The following RYR2 variants were observed in gnomAD, a reference collection of about 807,000 sequenced individuals.
The protein encoded by RYR2 is cardiac muscle ryanodine receptor-calcium release channel.
RYR2 carries 227 observed loss-of-function variants against 601.1 expected under a neutral mutation model. That is an observed-to-expected ratio of 0.38 (90% CI 0.34 to 0.42). RYR2 has a LOEUF of 0.42. Among genes scored for constraint, RYR2 ranks in the 10% least tolerant of loss-of-function variants. The pLI is 1.00. For missense variants in RYR2, 4,646 were observed against 6,156.5 expected, an observed-to-expected ratio of 0.75 and a Z score of 8.21; for synonymous variants, 2,223 against 2,175.1, an observed-to-expected ratio of 1.02 and a Z score of -0.61.
At chr1:237,538,118 A>G (rs1455006264) in intron 25 of RYR2, among the ~76,000 whole-genome samples, 1 of 152,104 alleles carries the variant, frequency 6.6e-6, no homozygotes, top group Non-Finnish European at 1.5e-5. Context: ...GGCCAGGAGC[A>G]GTGGCTTACG....
intron 17 of RYR2, among the ~76,000 whole-genome samples, chr1:237,480,826 A>G (rs973581991): frequency 1.3e-5 from 2 of 152,106 alleles, no homozygotes; most frequent in Non-Finnish European, 2.9e-5. Flanking sequence ...CATTCTGTAT[A>G]TGGATAATGA....
intron 72 of RYR2, 32 bp from the exon 73 acceptor site, chr1:237,718,430 A>G: frequency 8.6e-7 from 1 of 1,165,284 alleles, no homozygotes; most frequent in South Asian, 1.3e-5. Flanking sequence ...GCAATAGAAG[A>G]CTCCTTTTAG....
At chr1:237,394,312 G>C (rs1702636203) in intron 10 of RYR2, among the ~76,000 whole-genome samples, 1 of 152,162 alleles carries the variant, frequency 6.6e-6, no homozygotes. Context: ...AGCTATTGTT[G>C]TTTCAAATCT....
Position 237,798,017 on chromosome 1 carries a change from G to T in RYR2, c.13957-20G>T. ...ACTTAATGGTTGAAGCCAACAAAAT[G>T]CTTTTTCTCATACCCCAAGGTTATG... On this transcript the variant is annotated intron_variant, in intron 96 of 104. Coordinates refer to ENST00000366574, the MANE Select transcript of RYR2 (RefSeq NM_001035.3). 6 of 1,599,744 alleles carry T rather than the reference G, an allele frequency of 3.8e-6. No individual in the cohort carries two copies. Among genetic ancestry groups the T allele is most frequent in the Non-Finnish European group, 5.1e-6 (6 of 1,173,708 alleles).
intron 104 of RYR2, 26 bp from the exon 105 acceptor site, chr1:237,832,526 T>C (rs986120076): frequency 6.7e-7 from 1 of 1,486,160 alleles, no homozygotes; most frequent in African/African-American, 1.4e-5. Context: ...GGGGAAAATG[T>C]TAATACATTT....
intron 19 of RYR2, among the ~76,000 whole-genome samples, chr1:237,494,286 G>A (rs887436404): frequency 2.0e-5 from 3 of 152,226 alleles, no homozygotes; most frequent in South Asian, 4.1e-4. Flanking sequence ...CTGAAGGCCC[G>A]AGAGCCCCTG....
chr1:237,179,197 T>C (rs1014818512), intron 1 of RYR2, among the ~76,000 whole-genome samples: 1 of 151,126 alleles, frequency 6.6e-6, no homozygotes, highest in African/African-American at 2.5e-5. Context: ...GAATTGGAGC[T>C]TCTATGTTGT....
At chr1:237,104,429 G>A (rs1327332975) in intron 1 of RYR2, among the ~76,000 whole-genome samples, 1 of 152,076 alleles carries the variant, frequency 6.6e-6, no homozygotes, top group African/African-American at 2.4e-5. Flanking sequence ...GTAAGACCAG[G>A]CCAGCTCAGC....
At chr1:237,388,847 T>C (rs10925399) in intron 10 of RYR2, among the ~76,000 whole-genome samples, 80,616 of 152,050 alleles carry the variant, frequency 0.53, 21,925 homozygotes, top group Admixed American at 0.69. Flanking sequence ...TGAGAGAAGG[T>C]ACTGTGTGGA....
chr1:237,779,200 A>G (rs12755289), intron 88 of RYR2, among the ~76,000 whole-genome samples: 15,422 of 152,186 alleles, frequency 0.1, 1,300 homozygotes, highest in African/African-American at 0.23. Context: ...TGTTCTCAGT[A>G]GGGCGATGCT....
chr1:237,712,545 T>TCA (rs146589799), intron 71 of RYR2, among the ~76,000 whole-genome samples: 26 of 149,938 alleles, frequency 1.7e-4, no homozygotes, highest in South Asian at 1.3e-3. Context: ...ACACACACAC[T>TCA]CACACACACA....
chr1:237,360,295 T>A (rs1441639648), intron 4 of RYR2, among the ~76,000 whole-genome samples: 1 of 152,218 alleles, frequency 6.6e-6, no homozygotes, highest in Non-Finnish European at 1.5e-5. Flanking sequence ...CCATTTGCCC[T>A]CTGTAGAAAT....
intron 71 of RYR2, among the ~76,000 whole-genome samples, chr1:237,714,156 C>G (rs1009875770): frequency 3.3e-5 from 5 of 152,080 alleles, no homozygotes; most frequent in Non-Finnish European, 7.4e-5. Context: ...CCTCACTGTT[C>G]GTAGCAGCAA....
chr1:237,419,458 T>C (rs11590512), intron 11 of RYR2, among the ~76,000 whole-genome samples: 46,547 of 152,036 alleles, frequency 0.31, 7,929 homozygotes, highest in East Asian at 0.44. Context: ...CTTATGTTTG[T>C]ATTTTGAAAT....
At chr1:237,786,140 C>G (rs541984163) in intron 91 of RYR2, 104 bp downstream of exon 91, 12 of 726,080 alleles carry the variant, frequency 1.7e-5, no homozygotes, top group Non-Finnish European at 2.5e-5. Context: ...CTCATATTGT[C>G]AAGGAGCCAC....
intron 17 of RYR2, among the ~76,000 whole-genome samples, chr1:237,480,205 G>A (rs1661880495): frequency 6.6e-6 from 1 of 151,910 alleles, no homozygotes; most frequent in Non-Finnish European, 1.5e-5. Flanking sequence ...GATCAGTTGG[G>A]GTCAGGAGTT....
intron 101 of RYR2, among the ~76,000 whole-genome samples, chr1:237,827,074 A>G (rs945315046): frequency 6.6e-6 from 1 of 152,186 alleles, no homozygotes; most frequent in Admixed American, 6.5e-5. Flanking sequence ...AAATGTGACA[A>G]TCTCTTTTAA....
chr1:237,195,408 C>T (rs2149020791), intron 1 of RYR2, among the ~76,000 whole-genome samples: 1 of 152,214 alleles, frequency 6.6e-6, no homozygotes, highest in East Asian at 1.9e-4. Flanking sequence ...TGTGTATCAC[C>T]ATGCCTGGCT....
At chr1:237,480,752 AT>A (rs1020922085) in intron 17 of RYR2, among the ~76,000 whole-genome samples, 1 of 152,170 alleles carries the variant, frequency 6.6e-6, no homozygotes, top group African/African-American at 2.4e-5. Flanking sequence ...TTTTCTTCTA[AT>A]AAAAGACTCT....
Sources: allele counts gnomAD v4.1 joint callset (sites outside exome capture counted in the v4.1 genomes callset), GRCh38; gene constraint gnomAD v4.1.1; transcripts MANE v1.5; gene names NCBI Gene and HGNC (gene_info 2026-07-23, HGNC 2026-07-21).